ELOVL7: variants seen among roughly 807,000 people sequenced by gnomAD.
The protein encoded by ELOVL7 is very long chain fatty acid elongase 7.
ELOVL7 carries 27 observed loss-of-function variants against 35.7 expected under a neutral mutation model. The observed-to-expected ratio is 0.76, with a 90% confidence interval of 0.56 to 1.04. The LOEUF is 1.04. Among genes scored for constraint, ELOVL7 ranks in the 50% least tolerant of loss-of-function variants. ELOVL7 has a pLI of 0.00. For missense variants in ELOVL7, 327 were observed against 340.8 expected, an observed-to-expected ratio of 0.96 and a Z score of 0.32; for synonymous variants, 113 against 114.6, an observed-to-expected ratio of 0.99 and a Z score of 0.09.
intron 2 of ELOVL7, among the ~76,000 whole-genome samples, chr5:60,793,183 A>G (rs1036816839): frequency 2.0e-5 from 3 of 152,214 alleles, no homozygotes; most frequent in Non-Finnish European, 2.9e-5. Context: ...GTACCTCTCA[A>G]TGCAGTAGTT....
Position 60,752,621 on chromosome 5 carries a change from G to A in ELOVL7, c.*2003C>T, listed in dbSNP as rs1295209119. The A allele has an allele frequency of 6.6e-6, 1 of 152,552 alleles. No homozygotes were observed. Among genetic ancestry groups the A allele is most frequent in the African/African-American group, 2.4e-5 (1 of 41,420 alleles). The allele number at this position is 152,552 out of a possible 1,614,324, so 9.4% of individuals were successfully genotyped here. On this transcript the variant is annotated 3_prime_UTR_variant, in exon 9 of 9. Transcript: ENST00000508821. ...TAAATTAGAGCAGCAGTTTCATTTA[G>A]CTGTGCTCTTTTGTCCTTCATTCTT...
At chr5:60,843,672 G>C (rs1252499810) in intron 1 of ELOVL7, 1 of 152,372 alleles carries the variant, frequency 6.6e-6, no homozygotes, top group Non-Finnish European at 1.5e-5. Flanking sequence ...AGACCCCGGA[G>C]CTGGGAAAAT....
intron 7 of ELOVL7, among the ~76,000 whole-genome samples, chr5:60,760,271 C>T (rs904728514): frequency 2.6e-5 from 4 of 152,176 alleles, no homozygotes; most frequent in African/African-American, 9.6e-5. Context: ...TGAAAGTGTT[C>T]CTATTTCTTC....
rs180901751 is a variant in ELOVL7 at position 60,817,370 on chromosome 5, A to G, written c.-85-18140T>C. Among the ~76,000 whole-genome samples the G allele has an allele frequency of 1.1e-3, 174 of 151,898 alleles. 1 individual carries two copies. The highest frequency in any genetic ancestry group is 2.3e-3 in the Admixed American group (35 of 15,274). On this transcript the variant is annotated intron_variant, in intron 1 of 8. Transcript: ENST00000508821. The stretch of plus-strand genomic sequence containing the variant: ...AATGTTACTCAACAATGTGACAAGT[A>G]CAAATTTAAATTAGAGTGAAATATC...
chr5:60,821,301 A>G (rs1414775695), intron 1 of ELOVL7, among the ~76,000 whole-genome samples: 2 of 152,068 alleles, frequency 1.3e-5, no homozygotes, highest in Non-Finnish European at 2.9e-5. Flanking sequence ...TCTAACCCCA[A>G]TTCCTAGGCA....
chr5:60,754,948 T>A (rs560716503), intron 8 of ELOVL7, 115 bp from the exon 9 acceptor site: 5 of 815,010 alleles, frequency 6.1e-6, no homozygotes, highest in South Asian at 5.4e-5. Context: ...GGCAAAGAAG[T>A]CCATCTTTAA....
chr5:60,777,055 T>C (rs1463003551), intron 3 of ELOVL7, among the ~76,000 whole-genome samples: 1 of 139,846 alleles, frequency 7.2e-6, no homozygotes, highest in African/African-American at 2.7e-5. Flanking sequence ...AACAATTAAG[T>C]CCATGGAGAT....
Position 60,789,262 on chromosome 5 carries a change from G to A in ELOVL7, c.-34-1831C>T, listed in dbSNP as rs77797212. 2.5e-3 allele frequency among the ~76,000 whole-genome samples: 387 copies of A among 152,254 alleles called. 2 individuals carry two copies. Among genetic ancestry groups the A allele is most frequent in the African/African-American group, 9.0e-3 (375 of 41,548 alleles). On this transcript the variant is annotated intron_variant, in intron 2 of 8. Coordinates refer to ENST00000508821, the MANE Select transcript of ELOVL7 (RefSeq NM_024930.3). ...ACAACGGCTACTCTCCCTAATATAT[G>A]ACAAGTTTCTAAAATTGATAAAAGA... is the stretch of plus-strand genomic sequence containing the variant.
intron 1 of ELOVL7, among the ~76,000 whole-genome samples, chr5:60,806,594 G>A (rs1399110763): frequency 1.3e-5 from 2 of 151,806 alleles, no homozygotes; most frequent in Non-Finnish European, 2.9e-5. Context: ...TGCAAAAAAA[G>A]AAAAAGAAAT....
At chr5:60,819,375 T>C (rs1319417296) in intron 1 of ELOVL7, among the ~76,000 whole-genome samples, 1 of 152,014 alleles carries the variant, frequency 6.6e-6, no homozygotes. Context: ...AAGAGTGAAG[T>C]TGAAGGGTCG....
At chr5:60,767,038 CT>C (rs1396399650) in intron 5 of ELOVL7, among the ~76,000 whole-genome samples, 2 of 152,170 alleles carry the variant, frequency 1.3e-5, no homozygotes, top group Non-Finnish European at 2.9e-5. Context: ...AATTCCCTTC[CT>C]TTTAAAGGCT....
chr5:60,799,723 A>G (rs900299414), intron 1 of ELOVL7, among the ~76,000 whole-genome samples: 1 of 152,230 alleles, frequency 6.6e-6, no homozygotes, highest in African/African-American at 2.4e-5. Context: ...CTTCACTGTT[A>G]AATTCTACCA....
intron 3 of ELOVL7, among the ~76,000 whole-genome samples, chr5:60,786,891 G>A (rs111966068): frequency 0.022 from 3,336 of 151,882 alleles, 60 homozygotes; most frequent in Non-Finnish European, 0.035. Context: ...GCAGGGAGGC[G>A]GAGGTTGCAG....
chr5:60,765,116 G>C (rs191020401), intron 6 of ELOVL7, among the ~76,000 whole-genome samples: 1 of 152,334 alleles, frequency 6.6e-6, no homozygotes, highest in Admixed American at 6.5e-5. Flanking sequence ...CACAGAAGCA[G>C]TGCAGTTTCC....
At chr5:60,786,783 A>G (rs1437387265) in intron 3 of ELOVL7, among the ~76,000 whole-genome samples, 2 of 151,996 alleles carry the variant, frequency 1.3e-5, no homozygotes, top group Non-Finnish European at 2.9e-5. Flanking sequence ...TCTACTAAAA[A>G]TACAAAAAAT....
intron 1 of ELOVL7, among the ~76,000 whole-genome samples, chr5:60,800,250 C>A (rs1744524041): frequency 6.6e-6 from 1 of 152,050 alleles, no homozygotes; most frequent in East Asian, 1.9e-4. Flanking sequence ...ACAAGCAAAT[C>A]AAATTCAGTA....
rs534997805 is a variant in ELOVL7 at position 60,752,312 on chromosome 5, A to G, written c.*2312T>C. On this transcript the variant is annotated 3_prime_UTR_variant, in exon 9 of 9. Coordinates refer to ENST00000508821, the MANE Select transcript of ELOVL7 (RefSeq NM_024930.3). ...TCCACTTCTATTCATATAATTGAGT[A>G]TGTGTTTTATTACATGTTAGCTTAT... is the stretch of plus-strand genomic sequence containing the variant. 1 of 152,640 alleles carries G rather than the reference A, an allele frequency of 6.6e-6. No individual in the cohort carries two copies. Among genetic ancestry groups the G allele is most frequent in the Non-Finnish European group, 1.5e-5 (1 of 68,046 alleles). 9.5% of individuals were successfully genotyped at this position (152,640 alleles called of 1,614,324 possible).
intron 1 of ELOVL7, among the ~76,000 whole-genome samples, chr5:60,830,142 C>G (rs1167890244): frequency 6.6e-6 from 1 of 152,158 alleles, no homozygotes; most frequent in Non-Finnish European, 1.5e-5. Flanking sequence ...CTGTCAGGTC[C>G]TTGGGGTTGG....
chr5:60,795,350 G>A (rs773756753), intron 2 of ELOVL7, among the ~76,000 whole-genome samples: 30 of 152,274 alleles, frequency 2.0e-4, no homozygotes, highest in African/African-American at 5.1e-4. Flanking sequence ...CACACCCAAC[G>A]AATCAGGTAG....
Sources: gnomAD v4.1 joint callset for allele counts (sites outside exome capture counted in the v4.1 genomes callset) on GRCh38, gnomAD v4.1.1 for gene constraint, MANE v1.5 for transcripts, NCBI Gene and HGNC (gene_info 2026-07-23, HGNC 2026-07-21) for gene names.